The following ERMP1 variants were observed in gnomAD, a reference collection of about 807,000 sequenced individuals.
The protein encoded by ERMP1 is Felix-ina.
A neutral mutation model predicts 92.0 loss-of-function variants in ERMP1; 86 were observed. The ratio of observed to expected loss-of-function variants is 0.93; its 90% confidence interval spans 0.79 to 1.12. The LOEUF (loss-of-function observed/expected upper bound fraction) is 1.12. ERMP1 is among the 50% of genes most tolerant of loss of function. The probability of loss-of-function intolerance (pLI) is 0.00; values close to 1 mark genes in which losing one functional copy is unlikely to be tolerated. For missense variants in ERMP1, 1,342 were observed against 1,116.3 expected, an observed-to-expected ratio of 1.20 and a Z score of -2.88; for synonymous variants, 530 against 412.8, an observed-to-expected ratio of 1.28 and a Z score of -3.44.
chr9:5,830,990 G>C lies in ERMP1; in HGVS notation c.377C>G (p.Thr126Ser), dbSNP rs1202863576. Residue 126 changes from threonine (T) to serine (S), a missense_variant, in exon 2 of 15, where the codon ACT becomes AGT. Transcript: ENST00000339450. ...LEHITSIGPRTTGSPENEILT... is the reference protein window; with the variant it reads ...LEHITSIGPRSTGSPENEILT... ...AATTTCATTTTCTGGACTTCCTGTAGTCCTGGGGCCAATGGAGGTTATGTG... is the reference window on the plus strand; with the variant it reads ...AATTTCATTTTCTGGACTTCCTGTACTCCTGGGGCCAATGGAGGTTATGTG... 6.2e-7 allele frequency: 1 copy of C among 1,613,988 alleles called. No individual in the cohort carries two copies. The highest frequency in any genetic ancestry group is 1.3e-5 in the African/African-American group (1 of 74,916).
Position 5,810,144 on chromosome 9 carries a change from G to C in ERMP1, c.1415C>G (p.Ala472Gly). The C allele has an allele frequency of 1.2e-6, 2 of 1,613,872 alleles. No individual in the cohort carries two copies. Among genetic ancestry groups the C allele is most frequent in the Non-Finnish European group, 1.7e-6 (2 of 1,179,786 alleles). ...FTSLVTVLIIAVFISLIGQSL... is the reference protein window; with the variant it reads ...FTSLVTVLIIGVFISLIGQSL... ...CTGTCCAATAAGAGAGATGAACACTGCTATAATGAGAACGGTAACAAGGCT... is the reference window on the plus strand; with the variant it reads ...CTGTCCAATAAGAGAGATGAACACTCCTATAATGAGAACGGTAACAAGGCT... The change falls in exon 8 of 15, where the codon GCA (alanine) becomes GGA (glycine). Residue 472 changes from alanine to glycine, a missense_variant. Coordinates refer to ENST00000339450, the MANE Select transcript of ERMP1 (RefSeq NM_024896.3).
intron 11 of ERMP1, among the ~76,000 whole-genome samples, chr9:5,800,599 C>T (rs955345664): frequency 7.9e-5 from 12 of 152,068 alleles, no homozygotes; most frequent in African/African-American, 2.7e-4. Context: ...TCACTTGAAC[C>T]GAGGGGGCAG....
chr9:5,842,254 T>C (rs942305205), intron 6 of ERMP1, among the ~76,000 whole-genome samples: 3 of 152,074 alleles, frequency 2.0e-5, no homozygotes, highest in East Asian at 1.9e-4. Flanking sequence ...GGTCCGTTTT[T>C]ACAGAGTGAT....
intron 6 of ERMP1, among the ~76,000 whole-genome samples, chr9:5,849,629 G>C (rs1830281764): frequency 1.3e-5 from 2 of 152,190 alleles, no homozygotes; most frequent in African/African-American, 4.8e-5. Context: ...AGATCACCAA[G>C]TGATATCCTC....
At position 5,805,097 on chromosome 9, in the gene ERMP1, G is replaced by A; in HGVS notation, c.1844C>T (p.Ser615Phe). The change falls in exon 10 of 15, where the codon TCT becomes TTT. Residue 615 changes from serine (S) to phenylalanine (F), a missense_variant. Ser to Phe is a radical substitution (Grantham distance 155). Coordinates refer to ENST00000339450, the MANE Select transcript of ERMP1 (RefSeq NM_024896.3). ...MFTPILGRSG[S>F]EIPPDVVLAS... ...CAGCACAACATCAGGTGGGATTTCA[G>A]AACCACTTCTCCCGAGGATAGGGGT... 3.1e-6 allele frequency: 5 copies of A among 1,613,666 alleles called. No individual in the cohort carries two copies. Among genetic ancestry groups the A allele is most frequent in the Non-Finnish European group, 4.2e-6 (5 of 1,179,908 alleles).
Position 5,785,139 on chromosome 9 carries a change from C to T in ERMP1, c.*2005G>A, listed in dbSNP as rs1202062114. Reference sequence around the variant, plus strand: ...CTACTGACCTTGTACAATACCAAAGCTTCATAATGCTAAAGAAAACCAAAA... The same window carrying T: ...CTACTGACCTTGTACAATACCAAAGTTTCATAATGCTAAAGAAAACCAAAA... On this transcript the variant is annotated 3_prime_UTR_variant, in exon 15 of 15. Coordinates refer to ENST00000339450, the MANE Select transcript of ERMP1 (RefSeq NM_024896.3). The T allele has an allele frequency of 6.6e-6, 1 of 152,082 alleles. No individual in the cohort carries two copies. Among genetic ancestry groups the T allele is most frequent in the Admixed American group, 6.6e-5 (1 of 15,254 alleles). The allele number at this position is 152,082 out of a possible 1,614,324, so 9.4% of individuals were successfully genotyped here. A position where few individuals can be genotyped will look rare whatever the true frequency, so the allele number is the denominator to read the frequency against.
rs747829410 is a variant in ERMP1, at chr9:5,810,089, G to C, written c.1470C>G (p.Val490=). 1.9e-6 allele frequency: 3 copies of C among 1,613,888 alleles called. No individual in the cohort carries two copies. Among genetic ancestry groups the C allele is most frequent in the Non-Finnish European group, 1.7e-6 (2 of 1,179,836 alleles). The stretch of plus-strand genomic sequence containing the variant: ...TTGCAGTTCCATACAGACAAACGGA[G>C]ACATAGAAGTGGTTATACCATGAGA... ...QSLSWYNHFY[V]SVCLYGTATV... is the part of the protein sequence containing the mutation. Residue 490 remains valine (V), a synonymous_variant, in exon 8 of 15, where the codon GTC becomes GTG. Coordinates refer to ENST00000339450, the MANE Select transcript of ERMP1 (RefSeq NM_024896.3).
At chr9:5,861,528 C>T (rs1007841297) in intron 5 of ERMP1, among the ~76,000 whole-genome samples, 1 of 151,888 alleles carries the variant, frequency 6.6e-6, no homozygotes, top group Non-Finnish European at 1.5e-5. Flanking sequence ...ACAGATGGCA[C>T]TAAAAGCAGA....
At chr9:5,803,986 G>C (rs984518671) in intron 10 of ERMP1, among the ~76,000 whole-genome samples, 1 of 152,086 alleles carries the variant, frequency 6.6e-6, no homozygotes, top group Non-Finnish European at 1.5e-5. Context: ...GGCTATAAGG[G>C]ACTTCCACGG....
chr9:5,791,665 CAT>C (rs1828203298), intron 13 of ERMP1, among the ~76,000 whole-genome samples: 1 of 152,160 alleles, frequency 6.6e-6, no homozygotes, highest in Admixed American at 6.5e-5. Flanking sequence ...GAGAAAATGT[CAT>C]ATGTCTTGAC....
At chr9:5,806,863 CCTT>C (rs1365988868) in intron 8 of ERMP1, among the ~76,000 whole-genome samples, 4 of 152,106 alleles carry the variant, frequency 2.6e-5, no homozygotes, top group South Asian at 2.1e-4. Context: ...TAAAGTTTCT[CCTT>C]CTTCAAGGGC....
At chr9:5,829,155 C>G (rs1211959735) in intron 2 of ERMP1, among the ~76,000 whole-genome samples, 1 of 144,730 alleles carries the variant, frequency 6.9e-6, no homozygotes, top group Non-Finnish European at 1.5e-5. Flanking sequence ...GCAGAGGATG[C>G]AGTGAGCCAA....
intron 6 of ERMP1, among the ~76,000 whole-genome samples, chr9:5,811,630 A>G (rs1167412503): frequency 6.6e-6 from 1 of 152,146 alleles, no homozygotes; most frequent in South Asian, 2.1e-4. Flanking sequence ...TCTGTGATCA[A>G]TTGTACCTTC....
At chr9:5,842,434 C>CAAAAAAAAAA (rs57411750) in intron 6 of ERMP1, among the ~76,000 whole-genome samples, 1 of 107,894 alleles carries the variant, frequency 9.3e-6, no homozygotes. Flanking sequence ...GAGACTGTCT[C>CAAAAAAAAAA]AAAAAAAAAA....
intron 4 of ERMP1, among the ~76,000 whole-genome samples, chr9:5,814,799 G>C (rs114459797): frequency 2.1e-3 from 321 of 152,178 alleles, no homozygotes; most frequent in African/African-American, 7.1e-3. Flanking sequence ...AGACATACAA[G>C]TAATCCAGAT....
intron 4 of ERMP1, among the ~76,000 whole-genome samples, chr9:5,815,998 C>G (rs1010317957): frequency 2.0e-5 from 3 of 151,858 alleles, no homozygotes; most frequent in African/African-American, 7.3e-5. Flanking sequence ...TACTGAAAAA[C>G]AGGTAAAGCC....
chr9:5,787,652 C>G (rs1358790990), intron 13 of ERMP1, 59 bp from the exon 14 acceptor site: 1 of 1,530,418 alleles, frequency 6.5e-7, no homozygotes, highest in Non-Finnish European at 8.9e-7. Context: ...AAAAAATAAC[C>G]CACAATCCAA....
chr9:5,840,256 G>C (rs1362935764), intron 6 of ERMP1, among the ~76,000 whole-genome samples: 1 of 152,064 alleles, frequency 6.6e-6, no homozygotes, highest in Admixed American at 6.5e-5. Context: ...GAAAGAAAGA[G>C]AGAGAGAGAA....
chr9:5,831,680 A>C (rs980857154), intron 1 of ERMP1, among the ~76,000 whole-genome samples: 11 of 152,224 alleles, frequency 7.2e-5, no homozygotes, highest in African/African-American at 2.7e-4. Context: ...TGAACGTTAC[A>C]GATTCTGGGT....
Sources: gnomAD v4.1 joint callset for allele counts (sites outside exome capture counted in the v4.1 genomes callset) on GRCh38, gnomAD v4.1.1 for gene constraint, MANE v1.5 for transcripts, NCBI Gene and HGNC (gene_info 2026-07-23, HGNC 2026-07-21) for gene names.